The following CBFA2T2 variants were observed in gnomAD, a reference collection of about 807,000 sequenced individuals.
CBFA2T2 encodes the protein CBFA2/RUNX1 partner transcriptional co-repressor 2.
A neutral mutation model predicts 62.2 loss-of-function variants in CBFA2T2; 11 were observed. The ratio of observed to expected loss-of-function variants is 0.18; its 90% CI spans 0.11 to 0.29. The LOEUF is 0.29. CBFA2T2 is among the 10% of genes least tolerant of loss of function. The pLI is 1.00. For synonymous variants in CBFA2T2, 295 were observed against 287.5 expected, an observed-to-expected ratio of 1.03 and a Z score of -0.27; for missense variants, 592 against 774.1, an observed-to-expected ratio of 0.76 and a Z score of 2.79.
At chr20:33,641,660 C>T (rs1356828439) in intron 10 of CBFA2T2, among the ~76,000 whole-genome samples, 2 of 152,100 alleles carry the variant, frequency 1.3e-5, no homozygotes, top group African/African-American at 4.8e-5. Context: ...CTCGGCTCAC[C>T]GCAACCTCTA....
At chr20:33,574,512 CT>C (rs2013728695) in intron 1 of CBFA2T2, among the ~76,000 whole-genome samples, 1 of 152,210 alleles carries the variant, frequency 6.6e-6, no homozygotes, top group African/African-American at 2.4e-5. Context: ...GTAATCCCAG[CT>C]ACTCGGGTGG....
intron 1 of CBFA2T2, among the ~76,000 whole-genome samples, chr20:33,518,604 T>TAA (rs1437006947): frequency 6.6e-4 from 68 of 102,460 alleles, no homozygotes; most frequent in African/African-American, 2.6e-3. Context: ...CTACTAAAAA[T>TAA]ACAAAAAAAA....
At chr20:33,530,637 G>C (rs1349854270) in intron 1 of CBFA2T2, among the ~76,000 whole-genome samples, 1 of 151,568 alleles carries the variant, frequency 6.6e-6, no homozygotes, top group Non-Finnish European at 1.5e-5. Flanking sequence ...GGCTGGTCTC[G>C]GATCACCTTA....
chr20:33,601,609 T>C (rs1417365872), intron 1 of CBFA2T2, among the ~76,000 whole-genome samples: 2 of 151,488 alleles, frequency 1.3e-5, no homozygotes, highest in African/African-American at 4.9e-5. Flanking sequence ...ATGGCTTCCT[T>C]GGCCAGCTTC....
chr20:33,494,694 G>A (rs1347197362), intron 1 of CBFA2T2, among the ~76,000 whole-genome samples: 1 of 151,940 alleles, frequency 6.6e-6, no homozygotes, highest in African/African-American at 2.4e-5. Context: ...CGCCTCCCAG[G>A]TTCAAGCGAT....
chr20:33,628,500 G>T, intron 7 of CBFA2T2, 65 bp downstream of exon 7: 2 of 1,118,038 alleles, frequency 1.8e-6, no homozygotes, highest in Non-Finnish European at 2.7e-6. Flanking sequence ...CAGGAGTCTC[G>T]CTCTGTCACC....
intron 1 of CBFA2T2, among the ~76,000 whole-genome samples, chr20:33,587,502 G>A (rs747488651): frequency 2.0e-5 from 3 of 151,900 alleles, no homozygotes; most frequent in Admixed American, 1.3e-4. Context: ...TTCTGACCTC[G>A]TGATCCGCCC....
chr20:33,621,827 G>T (rs1434179678), intron 4 of CBFA2T2, among the ~76,000 whole-genome samples: 1 of 152,168 alleles, frequency 6.6e-6, no homozygotes, highest in Non-Finnish European at 1.5e-5. Flanking sequence ...CTGTATCATG[G>T]CTCGGTTCTA....
intron 1 of CBFA2T2, among the ~76,000 whole-genome samples, chr20:33,510,359 C>T (rs1310490411): frequency 2.0e-5 from 3 of 151,890 alleles, no homozygotes; most frequent in African/African-American, 7.3e-5. Flanking sequence ...TACAGGTGCC[C>T]TCCACCACGC....
rs1216591295 is a variant in CBFA2T2 at position 33,619,611 on chromosome 20, T to A, written c.510+5T>A. ...TTTGTGATTCCATTTCTCAAGGTAA[T>A]TTGATAATTACTGAATATAATTTAT... On this transcript the variant is annotated splice_donor_5th_base_variant and intron_variant, in intron 4 of 10. Transcript: ENST00000342704. 1 of 1,560,066 alleles carries A rather than the reference T, an allele frequency of 6.4e-7. No individual in the cohort carries two copies. Among genetic ancestry groups the A allele is most frequent in the Non-Finnish European group, 8.8e-7 (1 of 1,137,572 alleles).
chr20:33,621,287 CTTTTTTTTTTTTT>C (rs199805350), intron 4 of CBFA2T2, among the ~76,000 whole-genome samples: 1 of 85,296 alleles, frequency 1.2e-5, no homozygotes, highest in Non-Finnish European at 2.2e-5. Context: ...ATTTTACTGC[CTTTTTTTTTTTTT>C]TTTTTTTTTT....
chr20:33,643,855 G>GTT (rs2016952262), intron 10 of CBFA2T2, among the ~76,000 whole-genome samples: 1 of 129,002 alleles, frequency 7.8e-6, no homozygotes, highest in Non-Finnish European at 1.6e-5. Context: ...GTGTGTGTGT[G>GTT]TGTGTATATA....
chr20:33,597,530 G>A (rs1316585084), intron 1 of CBFA2T2, among the ~76,000 whole-genome samples: 1 of 152,154 alleles, frequency 6.6e-6, no homozygotes, highest in Non-Finnish European at 1.5e-5. Flanking sequence ...CCTCCTGCCA[G>A]ATCAGCCATG....
chr20:33,587,174 G>A (rs1359407434), intron 1 of CBFA2T2, among the ~76,000 whole-genome samples: 2 of 152,190 alleles, frequency 1.3e-5, no homozygotes, highest in Non-Finnish European at 2.9e-5. Context: ...AAACTCCTGA[G>A]CTCAGGCAAT....
chr20:33,531,281 G>GATCT (rs2012053420), intron 1 of CBFA2T2, among the ~76,000 whole-genome samples: 1 of 152,156 alleles, frequency 6.6e-6, no homozygotes, highest in Non-Finnish European at 1.5e-5. Context: ...TAAGCACATT[G>GATCT]ATCTAGACCA....
At position 33,611,229 on chromosome 20, in the gene CBFA2T2, G is replaced by A; in HGVS notation, c.314G>A (p.Arg105Gln). ...NQQLPATCGARQLSKLKRFLT... is the reference protein window; with the variant it reads ...NQQLPATCGAQQLSKLKRFLT... ...CAATTGCCAGCCACTTGTGGTGCTC[G>A]ACAACTCAGCAAGTTGAAACGCTTT... Residue 105 changes from arginine (R) to glutamine (Q), a missense_variant, in exon 3 of 11, where the codon CGA (arginine) becomes CAA (glutamine). This residue lies in a region of CBFA2T2 where 449 missense variants were observed against 551.2 expected (regional missense o/e 0.81). Coordinates refer to ENST00000342704, the MANE Select transcript of CBFA2T2 (RefSeq NM_001032999.3). The A allele has an allele frequency of 1.2e-6, 2 of 1,614,098 alleles. No homozygotes were observed. Among genetic ancestry groups the A allele is most frequent in the South Asian group, 1.1e-5 (1 of 91,070 alleles).
chr20:33,551,140 T>C (rs1218548520), intron 1 of CBFA2T2, among the ~76,000 whole-genome samples: 1 of 152,166 alleles, frequency 6.6e-6, no homozygotes, highest in African/African-American at 2.4e-5. Context: ...AGTAACTGTA[T>C]ATCCCTTACT....
chr20:33,604,340 A>G (rs964954235), intron 1 of CBFA2T2, among the ~76,000 whole-genome samples: 13 of 152,224 alleles, frequency 8.5e-5, no homozygotes, highest in Non-Finnish European at 1.2e-4. Flanking sequence ...CCTGACAGGT[A>G]GGTCTTACTG....
intron 1 of CBFA2T2, among the ~76,000 whole-genome samples, chr20:33,521,284 T>C (rs773393823): frequency 1.1e-4 from 17 of 152,182 alleles, no homozygotes; most frequent in Non-Finnish European, 2.2e-4. Flanking sequence ...GCTAGTGTTA[T>C]CTTCTATAAA....
Sources: gnomAD v4.1 joint callset for allele counts (sites outside exome capture counted in the v4.1 genomes callset) on GRCh38, gnomAD v4.1.1 for gene constraint, gnomAD v4.1.1 regional missense constraint, MANE v1.5 for transcripts, NCBI Gene and HGNC (gene_info 2026-07-23, HGNC 2026-07-21) for gene names.